The following ABCD3 variants were observed in gnomAD, a reference collection of about 807,000 sequenced individuals.
ABCD3 encodes ATP binding cassette subfamily D member 3, also known as ATP-binding cassette sub-family D member 3.
Under a neutral mutation model 105.5 loss-of-function variants are expected in ABCD3, and 41 were observed. The ratio of observed to expected loss-of-function variants is 0.39; its 90% confidence interval spans 0.30 to 0.50. ABCD3 has a LOEUF of 0.50. Among genes scored for constraint, ABCD3 ranks in the 20% least tolerant of loss-of-function variants. The pLI, the probability that ABCD3 is intolerant of heterozygous loss-of-function variation, is 0.84. For synonymous variants in ABCD3, 258 were observed against 269.0 expected, an observed-to-expected ratio of 0.96 and a Z score of 0.40; for missense variants, 622 against 806.3, an observed-to-expected ratio of 0.77 and a Z score of 2.77.
chr1:94,398,194 CTA>C, the ABCD3 span, among the ~76,000 whole-genome samples: 517 of 152,268 alleles, frequency 3.4e-3, 2 homozygotes, highest in Admixed American at 4.1e-3. Flanking sequence ...TCTATATCAT[CTA>C]TCAATCAATC....
At chr1:94,516,450 G>A (rs377178333) in intron 22 of ABCD3, among the ~76,000 whole-genome samples, 7 of 151,832 alleles carry the variant, frequency 4.6e-5, no homozygotes, top group Middle Eastern at 3.4e-3. Context: ...ATGTTTTCTC[G>A]GAAGTTCATA....
At chr1:94,511,486 C>T (rs1231345050) in intron 21 of ABCD3, among the ~76,000 whole-genome samples, 2 of 151,968 alleles carry the variant, frequency 1.3e-5, no homozygotes, top group African/African-American at 4.8e-5. Flanking sequence ...TTGCTCTTCT[C>T]GAGGAGTATC....
At chr1:94,426,848 A>ATTTT (rs67942477) in intron 1 of ABCD3, among the ~76,000 whole-genome samples, 2 of 131,618 alleles carry the variant, frequency 1.5e-5, no homozygotes, top group Non-Finnish European at 3.2e-5. Context: ...CCCAGCCTGA[A>ATTTT]TTTTTTTTTT....
intron 5 of ABCD3, among the ~76,000 whole-genome samples, chr1:94,474,909 C>T (rs570653204): frequency 2.0e-4 from 31 of 151,816 alleles, no homozygotes; most frequent in African/African-American, 7.5e-4. Context: ...CAAGGTATGT[C>T]GCGTAATTAG....
intron 1 of ABCD3, among the ~76,000 whole-genome samples, chr1:94,425,595 G>A (rs561829503): frequency 1.2e-4 from 18 of 152,250 alleles, no homozygotes; most frequent in Middle Eastern, 3.4e-3. Context: ...TAGTGTTTGT[G>A]GAAACTGTGG....
chr1:94,475,175 G>A lies in ABCD3; in HGVS notation c.438G>A (p.Gly146=). 6.2e-7 allele frequency: 1 copy of A among 1,604,996 alleles called. No homozygotes were observed. The highest frequency in any genetic ancestry group is 1.3e-5 in the African/African-American group (1 of 74,866). The part of the protein sequence containing the change: ...ISLVNNFLKY[G]LNELKLCFRV... ...TGGTTAATAACTTCTTGAAGTATGG[G>A]TTAAATGAGCTTAAACTGTGCTTCC... The change falls in exon 6 of 23, where the codon GGG becomes GGA. Residue 146 remains glycine (G), a synonymous_variant. Coordinates refer to ENST00000370214, the MANE Select transcript of ABCD3 (RefSeq NM_002858.4).
At chr1:94,442,295 C>T (rs1196240780) in intron 1 of ABCD3, among the ~76,000 whole-genome samples, 1 of 152,082 alleles carries the variant, frequency 6.6e-6, no homozygotes, top group Non-Finnish European at 1.5e-5. Context: ...ACTTATGTGG[C>T]TCTTCTGCCT....
chr1:94,510,205 G>C (rs1650592994), intron 21 of ABCD3, among the ~76,000 whole-genome samples: 2 of 151,968 alleles, frequency 1.3e-5, no homozygotes, highest in African/African-American at 4.8e-5. Flanking sequence ...GTTCTCCTTG[G>C]TTTCAAAGAA....
At chr1:94,394,167 A>T in the ABCD3 span, among the ~76,000 whole-genome samples, 14 of 152,212 alleles carry the variant, frequency 9.2e-5, no homozygotes, top group South Asian at 6.2e-4. Context: ...TCTTTAGCAT[A>T]CATGTGATTT....
the ABCD3 span, among the ~76,000 whole-genome samples, chr1:94,408,453 G>A: frequency 6.6e-6 from 1 of 152,058 alleles, no homozygotes; most frequent in Non-Finnish European, 1.5e-5. Context: ...AATTAGCTGG[G>A]CGTAGTGGCG....
chr1:94,420,061 G>C (rs886843563), intron 1 of ABCD3, among the ~76,000 whole-genome samples: 2 of 152,300 alleles, frequency 1.3e-5, no homozygotes, highest in South Asian at 2.1e-4. Flanking sequence ...TTAATATGGA[G>C]GAGGGGACTC....
chr1:94,472,812 T>C (rs1648551307), intron 4 of ABCD3, among the ~76,000 whole-genome samples: 1 of 152,192 alleles, frequency 6.6e-6, no homozygotes, highest in Admixed American at 6.5e-5. Context: ...AGTGTTTAAA[T>C]GTTTTATATA....
At chr1:94,510,464 C>T (rs2101063777) in intron 21 of ABCD3, among the ~76,000 whole-genome samples, 1 of 152,248 alleles carries the variant, frequency 6.6e-6, no homozygotes, top group East Asian at 1.9e-4. Context: ...AATGTGTATT[C>T]TGTTGATTTG....
chr1:94,421,142 C>T (rs981519834), intron 1 of ABCD3, among the ~76,000 whole-genome samples: 1 of 151,976 alleles, frequency 6.6e-6, no homozygotes, highest in Non-Finnish European at 1.5e-5. Flanking sequence ...ACAAGGATTG[C>T]CCAATGCACT....
intron 20 of ABCD3, among the ~76,000 whole-genome samples, chr1:94,503,058 AT>A (rs1385191065): frequency 6.6e-6 from 1 of 151,954 alleles, no homozygotes; most frequent in Non-Finnish European, 1.5e-5. Flanking sequence ...TGTGTGTGTA[AT>A]TTTTTTTAAG....
chr1:94,499,708 C>G, intron 20 of ABCD3, 94 bp downstream of exon 20: 1 of 1,492,702 alleles, frequency 6.7e-7, no homozygotes, highest in Non-Finnish European at 9.3e-7. Context: ...TTTTTTTATT[C>G]AGCAGCTGTT....
At chr1:94,469,628 C>T (rs531576882) in intron 4 of ABCD3, among the ~76,000 whole-genome samples, 15 of 150,164 alleles carry the variant, frequency 1.0e-4, no homozygotes, top group Non-Finnish European at 1.5e-4. Flanking sequence ...TTTCCACCCC[C>T]GCCCTATACG....
At chr1:94,472,244 T>G in intron 4 of ABCD3, 1 of 979,798 alleles carries the variant, frequency 1.0e-6, no homozygotes, top group Non-Finnish European at 1.2e-6. Context: ...ACTCCAATGG[T>G]AAACCATTGC....
intron 10 of ABCD3, among the ~76,000 whole-genome samples, chr1:94,486,088 A>T (rs573686489): frequency 4.6e-5 from 7 of 152,070 alleles, no homozygotes; most frequent in Non-Finnish European, 7.4e-5. Flanking sequence ...GCTACTCGGG[A>T]GGCTGAGGCA....
Sources: gnomAD v4.1 joint callset for allele counts (sites outside exome capture counted in the v4.1 genomes callset) on GRCh38, gnomAD v4.1.1 for gene constraint, MANE v1.5 for transcripts, NCBI Gene and HGNC (gene_info 2026-07-23, HGNC 2026-07-21) for gene names.